Variants in CFAP99 observed in about 807,000 individuals in gnomAD.
CFAP99 encodes cilia- and flagella-associated protein 99.
Under a neutral mutation model 82.7 loss-of-function variants are expected in CFAP99, and 84 were observed. The ratio of observed to expected loss-of-function variants is 1.02; its 90% CI spans 0.85 to 1.22. CFAP99 has a LOEUF of 1.22. Among genes scored for constraint, CFAP99 ranks in the 50% most tolerant of loss-of-function variants. The pLI, the probability that CFAP99 is intolerant of heterozygous loss-of-function variation, is 0.00. For synonymous variants in CFAP99, 456 were observed against 429.5 expected (o/e 1.06, Z -0.76); for missense variants, 1,059 against 983.5 (o/e 1.08, Z -1.03).
chr4:2,438,184 C>T lies in CFAP99; in HGVS notation c.351+20C>T, dbSNP rs1397139885. ...TGCAAGGTGAGCCACCCCTACCTGC[C>T]CACCAGGCCACGAGGCCCACGGGTG... is the stretch of plus-strand genomic sequence containing the variant. On this transcript the variant is annotated intron_variant, in intron 4 of 14. Coordinates refer to ENST00000635017, the Ensembl canonical transcript of CFAP99. 5 of 1,438,782 alleles carry T rather than the reference C, an allele frequency of 3.5e-6. No individual in the cohort carries two copies. The highest frequency in any genetic ancestry group is 3.8e-6 in the Non-Finnish European group (4 of 1,058,712). 89.1% of individuals were successfully genotyped at this position (1,438,782 alleles called of 1,614,324 possible).
Position 2,441,359 on chromosome 4 carries a change from C to T in CFAP99, c.352-1771C>T, listed in dbSNP as rs191570673. On this transcript the variant is annotated intron_variant, in intron 4 of 14. Transcript: ENST00000635017. ...TTGCACTCCAGCCTGGGCGACAGAGCGAGACTCCATCTCAAAAAAAAAAAA... is the reference window on the plus strand; with the variant it reads ...TTGCACTCCAGCCTGGGCGACAGAGTGAGACTCCATCTCAAAAAAAAAAAA... Among the ~76,000 whole-genome samples, 422 of 133,840 alleles carry T rather than the reference C, an allele frequency of 3.2e-3. 7 individuals carry two copies. Among genetic ancestry groups the T allele is most frequent in the African/African-American group, 0.012 (408 of 34,154 alleles). 87.8% of individuals were successfully genotyped at this position (133,840 alleles called of 152,430 possible).
intron 2 of CFAP99, chr4:2,427,728 G>A (rs1203779): frequency 0.49 from 75,324 of 152,380 alleles, 19,733 homozygotes; most frequent in East Asian, 0.86. Context: ...CACAGTCTGA[G>A]CCCACCTTCC....
exon 8 of CFAP99, chr4:2,449,949 G>T (rs901899361): frequency 6.5e-7 from 1 of 1,536,208 alleles, no homozygotes; most frequent in Admixed American, 2.0e-5. Flanking sequence ...GCTGCTGAGG[G>T]CAAACATCGA....
At chr4:2,428,321 A>G (rs1348195347) in intron 2 of CFAP99, 1 of 152,226 alleles carries the variant, frequency 6.6e-6, no homozygotes, top group Non-Finnish European at 1.5e-5. Flanking sequence ...AGCTCCTCCT[A>G]TCCGTCCCCC....
chr4:2,454,259 C>A (rs893757560), intron 11 of CFAP99, among the ~76,000 whole-genome samples: 10 of 152,196 alleles, frequency 6.6e-5, no homozygotes, highest in Admixed American at 5.9e-4. Context: ...CCTCGGCCTC[C>A]CAAATTGCTG....
intron 11 of CFAP99, among the ~76,000 whole-genome samples, chr4:2,453,741 C>CT (rs34564273): frequency 0.12 from 15,892 of 132,170 alleles, 990 homozygotes; most frequent in Middle Eastern, 0.22. Flanking sequence ...ATTTCCCTGA[C>CT]TTTTTTTTTT....
intron 4 of CFAP99, 30 bp downstream of exon 4, chr4:2,438,194 A>G: frequency 7.6e-7 from 1 of 1,319,638 alleles, no homozygotes; most frequent in Non-Finnish European, 1.1e-6. Flanking sequence ...CCACCAGGCC[A>G]CGAGGCCCAC....
At chr4:2,426,582 T>G (rs757072414) in exon 2 of CFAP99, 1 of 1,532,428 alleles carries the variant, frequency 6.5e-7, no homozygotes, top group South Asian at 1.2e-5. Flanking sequence ...GCCACCTCCC[T>G]GCAGGTAGGA....
intron 11 of CFAP99, 64 bp from the exon 12 acceptor site, chr4:2,458,659 G>T: frequency 6.7e-7 from 1 of 1,492,892 alleles, no homozygotes; most frequent in Non-Finnish European, 8.9e-7. Flanking sequence ...CCTGGGCTGG[G>T]GCGGGACCAG....
intron 11 of CFAP99, among the ~76,000 whole-genome samples, chr4:2,454,011 CTTTTT>C (rs1460587583): frequency 6.8e-6 from 1 of 147,262 alleles, no homozygotes; most frequent in Non-Finnish European, 1.5e-5. Context: ...GTTTTTTTTT[CTTTTT>C]GAGACAGAGT....
intron 11 of CFAP99, 80 bp downstream of exon 11, chr4:2,452,426 G>A: frequency 6.9e-7 from 1 of 1,441,318 alleles, no homozygotes; most frequent in Non-Finnish European, 9.4e-7. Context: ...GCCAGGGCTG[G>A]CAGTGGAGCT....
At chr4:2,426,347 G>A (rs1017314216) in intron 1 of CFAP99, 112 bp from the exon 2 acceptor site, 10 of 696,194 alleles carry the variant, frequency 1.4e-5, no homozygotes, top group African/African-American at 8.8e-5. Context: ...GTCACATCCG[G>A]TCTTCCTGCT....
At chr4:2,451,896 T>C (rs1734310818) in intron 10 of CFAP99, among the ~76,000 whole-genome samples, 1 of 145,416 alleles carries the variant, frequency 6.9e-6, no homozygotes, top group Non-Finnish European at 1.5e-5. Context: ...AGAGTGAGGG[T>C]AGACAAACAA....
At chr4:2,458,690 C>G in intron 11 of CFAP99, 33 bp from the exon 12 acceptor site, 1 of 1,518,764 alleles carries the variant, frequency 6.6e-7, no homozygotes, top group Non-Finnish European at 8.8e-7. Flanking sequence ...CGGAGCAGCC[C>G]CACTCACCGT....
rs1434377104 is a variant in CFAP99 at position 2,462,450 on chromosome 4, GAAA to G, written c.1671_1673del (p.Lys559del). On this transcript the variant is annotated inframe_deletion, in exon 15 of 15. Transcript: ENST00000635017. This position sits in a 1 kb window ranked among gnomAD's most constrained non-coding sequence, Gnocchi z 4.1. ...CGCCGCGTCGCCCGCCAGGTGGGAG[GAAA>G]AGAAGGCCCTTGCGGCGGCCCCGGC... The G allele has an allele frequency of 1.3e-5, 19 of 1,455,424 alleles. No individual in the cohort carries two copies. The highest frequency in any genetic ancestry group is 5.4e-5 in the South Asian group (4 of 74,014). 90.2% of individuals were successfully genotyped at this position (1,455,424 alleles called of 1,614,324 possible). A position where few individuals can be genotyped will look rare whatever the true frequency, so the allele number is the denominator to read the frequency against.
intron 4 of CFAP99, among the ~76,000 whole-genome samples, chr4:2,441,478 C>G (rs142848004): frequency 0.026 from 3,944 of 152,224 alleles, 268 homozygotes; most frequent in Admixed American, 0.16. Flanking sequence ...TGCAGAGCCC[C>G]AAAGCGCCAG....
At position 2,419,303 on chromosome 4, in the gene CFAP99, G is replaced by C. The variant is rs543618754; in HGVS notation, c.-18+210G>C. Among the ~76,000 whole-genome samples the C allele has an allele frequency of 1.3e-3, 192 of 150,718 alleles. 2 individuals carry two copies. Among genetic ancestry groups the C allele is most frequent in the African/African-American group, 1.3e-3 (53 of 40,894 alleles). Reference sequence around the variant, plus strand: ...TCTAAAAAGATACTCTTCCGCCCTCGCTACTCCCCCCAGTGGTGCCCTAAT... The same window carrying C: ...TCTAAAAAGATACTCTTCCGCCCTCCCTACTCCCCCCAGTGGTGCCCTAAT... On this transcript the variant is annotated intron_variant, in intron 1 of 14. Transcript: ENST00000635017.
At chr4:2,452,021 G>T in intron 10 of CFAP99, 121 bp from the exon 11 acceptor site, 1 of 966,024 alleles carries the variant, frequency 1.0e-6, no homozygotes, top group Non-Finnish European at 1.6e-6. Context: ...CCACGCAGCT[G>T]GGTGTCAGGA....
intron 2 of CFAP99, among the ~76,000 whole-genome samples, chr4:2,431,744 ATTTT>A (rs56016628): frequency 6.8e-6 from 1 of 148,088 alleles, no homozygotes; most frequent in South Asian, 2.1e-4. Flanking sequence ...TCACTTTATT[ATTTT>A]TTTTTTTTGA....
Sources: allele counts gnomAD v4.1 joint callset (sites outside exome capture counted in the v4.1 genomes callset), GRCh38; gene constraint gnomAD v4.1.1; non-coding constraint Gnocchi (gnomAD v3.1); transcripts MANE v1.5; gene names NCBI Gene and HGNC (gene_info 2026-07-23, HGNC 2026-07-21).